DPP10: variants seen among roughly 807,000 people sequenced by gnomAD.
The protein encoded by DPP10 is inactive dipeptidyl peptidase 10.
DPP10 carries 33 observed loss-of-function variants against 120.9 expected under a neutral mutation model. That is an observed-to-expected ratio of 0.27 (90% CI 0.21 to 0.37). DPP10 has a LOEUF of 0.37. DPP10 is among the 10% of genes least tolerant of loss of function. DPP10 has a pLI of 1.00. For missense variants in DPP10, 816 were observed against 942.8 expected, an observed-to-expected ratio of 0.87 and a Z score of 1.76; for synonymous variants, 337 against 326.1, an observed-to-expected ratio of 1.03 and a Z score of -0.36.
intron 5 of DPP10, among the ~76,000 whole-genome samples, chr2:115,631,508 T>C (rs2085869198): frequency 6.6e-6 from 1 of 152,166 alleles, no homozygotes. Context: ...TTTTAGGATA[T>C]TGATTTGAGC....
chr2:114,689,534 C>T (rs1374747197), intron 1 of DPP10, among the ~76,000 whole-genome samples: 4 of 152,000 alleles, frequency 2.6e-5, no homozygotes, highest in Admixed American at 1.3e-4. Flanking sequence ...AATAGTGCTG[C>T]AATGAACATA....
chr2:115,598,491 A>G (rs1315352593), intron 5 of DPP10, among the ~76,000 whole-genome samples: 4 of 151,912 alleles, frequency 2.6e-5, no homozygotes, highest in African/African-American at 9.7e-5. Flanking sequence ...TACAATTTAT[A>G]TCCTTTATAA....
chr2:115,525,675 T>C (rs1056480951), intron 4 of DPP10, among the ~76,000 whole-genome samples: 2 of 152,098 alleles, frequency 1.3e-5, no homozygotes, highest in Admixed American at 6.6e-5. Flanking sequence ...TAGAAAGATA[T>C]ATTAGCAAAC....
At chr2:115,526,258 G>A (rs188493876) in intron 5 of DPP10, 125 of 301,400 alleles carry the variant, frequency 4.1e-4, no homozygotes, top group Non-Finnish European at 6.8e-4. Context: ...CAACAAATGC[G>A]GGCTTGTGAA....
intron 1 of DPP10, among the ~76,000 whole-genome samples, chr2:115,119,075 T>A (rs1217424796): frequency 2.0e-5 from 3 of 152,166 alleles, no homozygotes; most frequent in Non-Finnish European, 4.4e-5. Context: ...GGCATTCATC[T>A]AGGGTTTGCA....
At chr2:115,399,877 A>G (rs1273995824) in intron 3 of DPP10, among the ~76,000 whole-genome samples, 1 of 150,832 alleles carries the variant, frequency 6.6e-6, no homozygotes, top group Non-Finnish European at 1.5e-5. Context: ...AATATATGAG[A>G]TGGGGTCATT....
intron 1 of DPP10, among the ~76,000 whole-genome samples, chr2:114,913,357 T>C (rs1163559216): frequency 6.6e-6 from 1 of 152,056 alleles, no homozygotes; most frequent in Non-Finnish European, 1.5e-5. Flanking sequence ...ATCGGAGTGT[T>C]GTTGCAAGTG....
chr2:115,593,979 G>A (rs569522970), intron 5 of DPP10, among the ~76,000 whole-genome samples: 1 of 152,262 alleles, frequency 6.6e-6, no homozygotes, highest in East Asian at 1.9e-4. Context: ...TATGAAGTGG[G>A]TAAATTCCTC....
intron 1 of DPP10, among the ~76,000 whole-genome samples, chr2:114,729,501 A>T (rs548436293): frequency 6.6e-6 from 1 of 152,354 alleles, no homozygotes; most frequent in East Asian, 1.9e-4. Flanking sequence ...GGCCCTGGCC[A>T]AATTTCTTTC....
At chr2:115,692,321 C>T (rs1045776349) in intron 7 of DPP10, among the ~76,000 whole-genome samples, 8 of 151,596 alleles carry the variant, frequency 5.3e-5, no homozygotes, top group African/African-American at 1.7e-4. Flanking sequence ...TATATATGTT[C>T]TATATGACAG....
At chr2:115,395,091 C>G (rs988532141) in intron 3 of DPP10, among the ~76,000 whole-genome samples, 2 of 152,142 alleles carry the variant, frequency 1.3e-5, no homozygotes, top group African/African-American at 4.8e-5. Flanking sequence ...TAAGAAAATT[C>G]CAGAGACTGG....
At chr2:114,779,099 C>T (rs1682032928) in intron 1 of DPP10, among the ~76,000 whole-genome samples, 1 of 151,980 alleles carries the variant, frequency 6.6e-6, no homozygotes, top group South Asian at 2.1e-4. Context: ...TGAGTAATCC[C>T]GTGTTGCAGC....
chr2:115,372,988 T>C (rs2065523954), intron 3 of DPP10, among the ~76,000 whole-genome samples: 2 of 152,220 alleles, frequency 1.3e-5, no homozygotes, highest in South Asian at 4.1e-4. Flanking sequence ...GTTATTGATA[T>C]TGTGATAAAT....
intron 2 of DPP10, among the ~76,000 whole-genome samples, chr2:115,311,142 G>T (rs1374379949): frequency 6.6e-6 from 1 of 152,158 alleles, no homozygotes; most frequent in Admixed American, 6.6e-5. Context: ...AAGAACAAGC[G>T]TGACATACCT....
chr2:115,518,056 G>A (rs952859449), intron 4 of DPP10, among the ~76,000 whole-genome samples: 10 of 152,198 alleles, frequency 6.6e-5, no homozygotes, highest in East Asian at 1.9e-4. Flanking sequence ...GAGAGAGGAC[G>A]TGCCAGGCTC....
intron 1 of DPP10, among the ~76,000 whole-genome samples, chr2:114,536,223 T>G (rs1686473846): frequency 6.6e-6 from 1 of 152,082 alleles, no homozygotes; most frequent in Non-Finnish European, 1.5e-5. Flanking sequence ...GTAGAATGTT[T>G]CCTACTGTGA....
chr2:114,882,425 A>G (rs1401597994), intron 1 of DPP10, among the ~76,000 whole-genome samples: 1 of 151,996 alleles, frequency 6.6e-6, no homozygotes, highest in East Asian at 1.9e-4. Context: ...AAAGTAGTGT[A>G]TATTCTCACT....
chr2:115,274,422 A>G (rs1156278088), intron 1 of DPP10, among the ~76,000 whole-genome samples: 2 of 152,024 alleles, frequency 1.3e-5, no homozygotes, highest in African/African-American at 4.8e-5. Flanking sequence ...GAGATCTGGT[A>G]TTGCTCTAGT....
In DPP10 at chr2:114,814,020, A is replaced by T. The variant is rs188503735; in HGVS notation, c.60+371182A>T. Among the ~76,000 whole-genome samples, 94 of 151,810 alleles carry T rather than the reference A, an allele frequency of 6.2e-4. 1 individual carries two copies. The highest frequency in any genetic ancestry group is 2.2e-3 in the African/African-American group (92 of 41,358). On this transcript the variant is annotated intron_variant, in intron 1 of 25. Transcript: ENST00000410059. ...TGGCCATTAGCTCAATAACTGTTTTAAAACTCTATTATTTATCTCATTTTA... is the reference window on the plus strand; with the variant it reads ...TGGCCATTAGCTCAATAACTGTTTTTAAACTCTATTATTTATCTCATTTTA...
Sources: allele counts gnomAD v4.1 joint callset (sites outside exome capture counted in the v4.1 genomes callset), GRCh38; gene constraint gnomAD v4.1.1; transcripts MANE v1.5; gene names NCBI Gene and HGNC (gene_info 2026-07-23, HGNC 2026-07-21).